Variants in TBX19 observed in about 807,000 individuals in gnomAD.
The protein encoded by TBX19 is T-box transcription factor TBX19.
Under a neutral mutation model 40.9 loss-of-function variants are expected in TBX19, and 33 were observed. The ratio of observed to expected loss-of-function variants is 0.81; its 90% CI spans 0.61 to 1.08. The LOEUF is 1.08. Among genes scored for constraint, TBX19 ranks in the 50% least tolerant of loss-of-function variants. The probability of loss-of-function intolerance (pLI) is 0.00; values close to 1 mark genes in which losing one functional copy is unlikely to be tolerated. For synonymous variants in TBX19, 220 were observed against 225.0 expected (o/e 0.98, Z 0.20); for missense variants, 494 against 574.0 (o/e 0.86, Z 1.42).
At position 168,300,489 on chromosome 1, in the gene TBX19, T is replaced by C. The variant is rs1394227095; in HGVS notation, c.727+6T>C. On this transcript the variant is annotated splice_donor_region_variant and intron_variant, in intron 5 of 7. Coordinates refer to ENST00000367821, the MANE Select transcript of TBX19 (RefSeq NM_005149.3). ...GCATGTGACCTATTCTCACTGTGAG[T>C]TGGGTGTACATGAGGCGGGAGGTGC... is the stretch of plus-strand genomic sequence containing the variant. 6.2e-7 allele frequency: 1 copy of C among 1,613,754 alleles called. No homozygotes were observed. The highest frequency in any genetic ancestry group is 8.5e-7 in the Non-Finnish European group (1 of 1,179,876).
chr1:168,312,231 C>A (rs1558196347), intron 7 of TBX19, among the ~76,000 whole-genome samples: 4 of 152,186 alleles, frequency 2.6e-5, no homozygotes, highest in African/African-American at 9.7e-5. Context: ...AATTGACACT[C>A]AGAGATATTA....
At position 168,297,795 on chromosome 1, in the gene TBX19, G is replaced by T. The variant is rs1406386159; in HGVS notation, c.665+10G>T. On this transcript the variant is annotated intron_variant, in intron 4 of 7. Coordinates refer to ENST00000367821, the MANE Select transcript of TBX19 (RefSeq NM_005149.3). ...TGGATGCCAAGGAAAGGTAAGTAAAGAAATTTTAGTGAAATCTTCTAATGA... is the reference window on the plus strand; with the variant it reads ...TGGATGCCAAGGAAAGGTAAGTAAATAAATTTTAGTGAAATCTTCTAATGA... 6.2e-7 allele frequency: 1 copy of T among 1,608,928 alleles called. No individual in the cohort carries two copies. Among genetic ancestry groups the T allele is most frequent in the East Asian group, 2.2e-5 (1 of 44,870 alleles).
At position 168,282,997 on chromosome 1, in the gene TBX19, T is replaced by C. The variant is rs185407691; in HGVS notation, c.203+1704T>C. Among the ~76,000 whole-genome samples, 17 of 152,346 alleles carry C rather than the reference T, an allele frequency of 1.1e-4. No individual in the cohort carries two copies. The East Asian group carries it at 3.3e-3, about 29-fold the overall frequency. ...TGTACTTTTACCATTTAAGAAAAGT[T>C]TTATCTTGCCTTTTTATTGCCTATG... On this transcript the variant is annotated intron_variant, in intron 1 of 7. Coordinates refer to ENST00000367821, the MANE Select transcript of TBX19 (RefSeq NM_005149.3).
chr1:168,292,283 G>A (rs928479394), intron 2 of TBX19, among the ~76,000 whole-genome samples: 1 of 152,086 alleles, frequency 6.6e-6, no homozygotes, highest in Non-Finnish European at 1.5e-5. Context: ...TTATTAAAAC[G>A]GGAAATTGAA....
At chr1:168,295,338 G>A (rs1032157488) in intron 3 of TBX19, among the ~76,000 whole-genome samples, 11 of 152,126 alleles carry the variant, frequency 7.2e-5, no homozygotes, top group Non-Finnish European at 1.5e-4. Flanking sequence ...TATTTATTTG[G>A]AAGCTTTAAA....
chr1:168,297,960 G>A (rs924682057), intron 4 of TBX19, among the ~76,000 whole-genome samples, 175 bp downstream of exon 4: 1 of 152,128 alleles, frequency 6.6e-6, no homozygotes, highest in Non-Finnish European at 1.5e-5. Flanking sequence ...ACTTTGGGAG[G>A]CCGAGGCGGG....
At position 168,312,942 on chromosome 1, in the gene TBX19, C is replaced by T. The variant is rs370679374; in HGVS notation, c.1287C>T (p.Phe429=). The T allele has an allele frequency of 4.4e-5, 71 of 1,614,136 alleles. No individual in the cohort carries two copies. Among genetic ancestry groups the T allele is most frequent in the Admixed American group, 3.0e-4 (18 of 60,016 alleles). ...STWTAVASHP[F]AGWGGPGAGG... The stretch of plus-strand genomic sequence containing the variant: ...GGACAGCAGTGGCCTCGCATCCCTT[C>T]GCGGGCTGGGGTGGCCCAGGAGCGG... Residue 429 remains phenylalanine (F), a synonymous_variant, in exon 8 of 8, where the codon TTC becomes TTT. Transcript: ENST00000367821.
intron 3 of TBX19, 120 bp from the exon 4 acceptor site, chr1:168,297,604 G>A (rs937596824): frequency 8.0e-6 from 7 of 879,324 alleles, no homozygotes; most frequent in Non-Finnish European, 1.3e-5. Context: ...AAGCCATCGT[G>A]CCTGGTGGGA....
intron 1 of TBX19, among the ~76,000 whole-genome samples, chr1:168,289,391 A>G (rs1648884010): frequency 6.6e-6 from 1 of 152,252 alleles, no homozygotes; most frequent in Admixed American, 6.5e-5. Context: ...AAAATGCAAC[A>G]TGAAGATTTT....
At chr1:168,306,037 A>G (rs1649397029) in intron 6 of TBX19, among the ~76,000 whole-genome samples, 2 of 152,220 alleles carry the variant, frequency 1.3e-5, no homozygotes, top group South Asian at 2.1e-4. Context: ...CATGGGAGAC[A>G]GTGGAGAGTA....
chr1:168,286,876 C>T (rs1220342684), intron 1 of TBX19, among the ~76,000 whole-genome samples: 1 of 152,226 alleles, frequency 6.6e-6, no homozygotes, highest in African/African-American at 2.4e-5. Context: ...TTCTCTACAT[C>T]TTCACCAATG....
At chr1:168,282,526 C>T (rs1162144320) in intron 1 of TBX19, among the ~76,000 whole-genome samples, 18 of 152,116 alleles carry the variant, frequency 1.2e-4, no homozygotes, top group Admixed American at 1.2e-3. Context: ...AAATGGGTTC[C>T]ACACTTATTT....
chr1:168,293,636 G>A (rs1649023518), intron 3 of TBX19, among the ~76,000 whole-genome samples: 1 of 152,286 alleles, frequency 6.6e-6, no homozygotes. Context: ...TTGGGCAGGA[G>A]CTGTCAGGTC....
chr1:168,294,628 A>G (rs6696401), intron 3 of TBX19, among the ~76,000 whole-genome samples: 5,158 of 152,120 alleles, frequency 0.034, 162 homozygotes, highest in East Asian at 0.13. Flanking sequence ...CAGCCTCCCA[A>G]GTAGCTGGGA....
chr1:168,298,516 T>C (rs1649173057), intron 4 of TBX19, among the ~76,000 whole-genome samples: 1 of 152,214 alleles, frequency 6.6e-6, no homozygotes, highest in Admixed American at 6.5e-5. Context: ...TTTCCTCTGC[T>C]GAGAAAAGAA....
intron 1 of TBX19, among the ~76,000 whole-genome samples, chr1:168,283,713 T>G (rs912002596): frequency 1.3e-5 from 2 of 152,200 alleles, no homozygotes; most frequent in East Asian, 3.8e-4. Context: ...TTTGTGGCCC[T>G]TCCCTGTGGA....
intron 2 of TBX19, among the ~76,000 whole-genome samples, chr1:168,292,786 C>T (rs943654085): frequency 1.3e-5 from 2 of 151,278 alleles, no homozygotes; most frequent in Non-Finnish European, 2.9e-5. Context: ...ATGGCGTGAA[C>T]CCGGGAGGCG....
At chr1:168,290,211 T>C (rs749098551) in intron 1 of TBX19, among the ~76,000 whole-genome samples, 3 of 152,180 alleles carry the variant, frequency 2.0e-5, no homozygotes, top group Non-Finnish European at 1.5e-5. Context: ...TTCGGGATGA[T>C]GAAAATGCTC....
chr1:168,281,172 C>A lies in TBX19; in HGVS notation c.82C>A (p.Gln28Lys). 6.2e-7 allele frequency: 1 copy of A among 1,614,152 alleles called. No homozygotes were observed. The change falls in exon 1 of 8, where the codon CAG becomes AAG. Residue 28 changes from glutamine (Q) to lysine (K), a missense_variant. Around this residue, in one of 3 missense-constraint regions of TBX19, gnomAD observed 201 missense variants for 235.2 expected, o/e 0.85. Coordinates refer to ENST00000367821, the MANE Select transcript of TBX19 (RefSeq NM_005149.3). ...GCTCAATGTGGTGGAGAGTGAGCTT[C>A]AGGCAGGGAGGGAAAAAGGCGACCC... Reference protein sequence around the residue: ...HLLNVVESELQAGREKGDPTE... With the variant: ...HLLNVVESELKAGREKGDPTE...
Sources: allele counts gnomAD v4.1 joint callset (sites outside exome capture counted in the v4.1 genomes callset), GRCh38; gene constraint gnomAD v4.1.1; regional missense constraint gnomAD v4.1.1; transcripts MANE v1.5; gene names NCBI Gene and HGNC (gene_info 2026-07-23, HGNC 2026-07-21).